The following MLLT3 variants were observed in gnomAD, a reference collection of about 807,000 sequenced individuals.
MLLT3 encodes the protein protein AF-9.
A neutral mutation model predicts 53.2 loss-of-function variants in MLLT3; 4 were observed. That is an observed-to-expected ratio of 0.08 (90% CI 0.04 to 0.17). The LOEUF (loss-of-function observed/expected upper bound fraction) is 0.17, where lower values mean the gene tolerates loss of function less well. Ranked by LOEUF, MLLT3 falls within the 10% of genes least tolerant of loss-of-function variation. The probability of loss-of-function intolerance (pLI) is 1.00; values close to 1 mark genes in which losing one functional copy is unlikely to be tolerated. For missense variants in MLLT3, 569 were observed against 684.0 expected (o/e 0.83, Z 1.87); for synonymous variants, 283 against 230.6 (o/e 1.23, Z -2.06).
At chr9:20,369,703 C>A (rs1821546286) in intron 5 of MLLT3, among the ~76,000 whole-genome samples, 1 of 152,066 alleles carries the variant, frequency 6.6e-6, no homozygotes, top group African/African-American at 2.4e-5. Flanking sequence ...ATTTATCTTC[C>A]AAAAACAAAC....
At chr9:20,360,307 T>C (rs1433927973) in intron 8 of MLLT3, among the ~76,000 whole-genome samples, 2 of 152,284 alleles carry the variant, frequency 1.3e-5, no homozygotes, top group South Asian at 2.1e-4. Flanking sequence ...AGTGTTAATG[T>C]CATTTACAGA....
intron 5 of MLLT3, among the ~76,000 whole-genome samples, chr9:20,412,560 C>A (rs544011487): frequency 6.6e-6 from 1 of 152,318 alleles, no homozygotes; most frequent in East Asian, 1.9e-4. Flanking sequence ...CCCGGCACAG[C>A]AAATCTGCTA....
At position 20,448,130 on chromosome 9, in the gene MLLT3, G is replaced by A; in HGVS notation, c.413C>T (p.Ala138Val). 6.2e-7 allele frequency: 1 copy of A among 1,611,894 alleles called. No homozygotes were observed. Among genetic ancestry groups the A allele is most frequent in the East Asian group, 2.2e-5 (1 of 44,822 alleles). ...TEDFRRKLLK[A>V]GGDPNRSIHT... ...CAAGAGAGTGCCACTTACCCCTCCT[G>A]CCTTCAGCAACTTTCTCCTAAAGTC... Residue 138 changes from alanine (A) to valine (V), a missense_variant, in exon 4 of 11, where the codon GCA (alanine) becomes GTA (valine). Coordinates refer to ENST00000380338, the MANE Select transcript of MLLT3 (RefSeq NM_004529.4). This position sits in a 1 kb window ranked among gnomAD's most constrained non-coding sequence, Gnocchi z 4.0.
At chr9:20,447,023 G>A (rs907399129) in intron 4 of MLLT3, among the ~76,000 whole-genome samples, 5 of 152,040 alleles carry the variant, frequency 3.3e-5, no homozygotes, top group African/African-American at 9.7e-5. Context: ...CAAGTAAAAG[G>A]ACAGCAGCCT....
chr9:20,362,310 C>G (rs1171774233), intron 7 of MLLT3, among the ~76,000 whole-genome samples: 1 of 152,158 alleles, frequency 6.6e-6, no homozygotes, highest in Non-Finnish European at 1.5e-5. Flanking sequence ...TTCTAAATAA[C>G]AACTAGGGAA....
At chr9:20,602,126 C>G (rs748619392) in intron 2 of MLLT3, among the ~76,000 whole-genome samples, 7 of 152,098 alleles carry the variant, frequency 4.6e-5, no homozygotes, top group Non-Finnish European at 1.0e-4. Flanking sequence ...TTTAAGAGTA[C>G]AAGTATTTTA....
chr9:20,435,694 C>T (rs1467216933), intron 4 of MLLT3, among the ~76,000 whole-genome samples: 2 of 152,062 alleles, frequency 1.3e-5, no homozygotes, highest in African/African-American at 4.8e-5. Context: ...TACGGGAAGA[C>T]TTAGGAAGGT....
At chr9:20,543,050 A>G (rs1319088188) in intron 2 of MLLT3, among the ~76,000 whole-genome samples, 3 of 152,198 alleles carry the variant, frequency 2.0e-5, no homozygotes, top group Admixed American at 6.5e-5. Context: ...GCCTTCAAAG[A>G]ATTGAAGAGA....
chr9:20,605,257 G>C (rs1397119587), intron 2 of MLLT3, among the ~76,000 whole-genome samples: 2 of 151,930 alleles, frequency 1.3e-5, no homozygotes, highest in Non-Finnish European at 2.9e-5. Flanking sequence ...ACCAAAAATA[G>C]CTCTCTCATT....
At chr9:20,536,165 G>A (rs1417665651) in intron 2 of MLLT3, among the ~76,000 whole-genome samples, 1 of 139,758 alleles carries the variant, frequency 7.2e-6, no homozygotes, top group African/African-American at 2.6e-5. Context: ...ATTACTACCA[G>A]CATCTTTAAA....
At chr9:20,617,626 C>A (rs553534218) in intron 2 of MLLT3, among the ~76,000 whole-genome samples, 1 of 152,250 alleles carries the variant, frequency 6.6e-6, no homozygotes, top group African/African-American at 2.4e-5. Context: ...TAGTACAAAT[C>A]TTTGGTACTA....
intron 2 of MLLT3, among the ~76,000 whole-genome samples, chr9:20,503,913 A>G (rs1825313554): frequency 6.6e-6 from 1 of 152,334 alleles, no homozygotes; most frequent in Admixed American, 6.5e-5. Flanking sequence ...ACATTTCTCA[A>G]AAGACGACAT....
intron 2 of MLLT3, among the ~76,000 whole-genome samples, chr9:20,566,778 C>T (rs1341883182): frequency 1.3e-5 from 2 of 152,102 alleles, no homozygotes; most frequent in East Asian, 1.9e-4. Flanking sequence ...TGCCCATGCT[C>T]ATCTGAGATT....
At chr9:20,430,174 ATACTT>A in intron 4 of MLLT3, among the ~76,000 whole-genome samples, 1 of 152,296 alleles carries the variant, frequency 6.6e-6, no homozygotes, top group Non-Finnish European at 1.5e-5. Context: ...AACTACACAG[ATACTT>A]TAAAGACATT....
chr9:20,443,256 A>T (rs1586952683), intron 4 of MLLT3, among the ~76,000 whole-genome samples: 1 of 152,268 alleles, frequency 6.6e-6, no homozygotes, highest in Non-Finnish European at 1.5e-5. Flanking sequence ...AGAAAAAAGA[A>T]ACTGCAAAAT....
intron 2 of MLLT3, among the ~76,000 whole-genome samples, chr9:20,581,694 T>C (rs1450550092): frequency 2.6e-5 from 4 of 152,116 alleles, no homozygotes; most frequent in Non-Finnish European, 4.4e-5. Flanking sequence ...AAACTACCTC[T>C]CATATAAGAT....
intron 2 of MLLT3, among the ~76,000 whole-genome samples, chr9:20,503,768 T>C (rs1165397238): frequency 1.3e-5 from 2 of 152,032 alleles, no homozygotes; most frequent in East Asian, 3.9e-4. Flanking sequence ...AAAGACAACC[T>C]GCAGCCTGGA....
intron 5 of MLLT3, among the ~76,000 whole-genome samples, chr9:20,366,184 T>G (rs1429063340): frequency 2.6e-5 from 4 of 152,204 alleles, no homozygotes; most frequent in African/African-American, 9.6e-5. Flanking sequence ...TTTCTCCTAG[T>G]GCTATCCCTC....
At chr9:20,595,686 T>A (rs1209093729) in intron 2 of MLLT3, among the ~76,000 whole-genome samples, 1 of 152,152 alleles carries the variant, frequency 6.6e-6, no homozygotes, top group East Asian at 1.9e-4. Flanking sequence ...AAAAGATTAT[T>A]GTAGCACATG....
Sources: gnomAD v4.1 joint callset for allele counts (sites outside exome capture counted in the v4.1 genomes callset) on GRCh38, gnomAD v4.1.1 for gene constraint, Gnocchi (gnomAD v3.1) non-coding constraint, MANE v1.5 for transcripts, NCBI Gene and HGNC (gene_info 2026-07-23, HGNC 2026-07-21) for gene names.